ADAM7: variants seen among roughly 807,000 people sequenced by gnomAD.
ADAM7 encodes disintegrin and metalloproteinase domain-containing protein 7.
Under a neutral mutation model 102.9 loss-of-function variants are expected in ADAM7, and 97 were observed. The ratio of observed to expected loss-of-function variants is 0.94; its 90% confidence interval spans 0.80 to 1.12. The LOEUF (loss-of-function observed/expected upper bound fraction) is 1.12. ADAM7 is among the 50% of genes most tolerant of loss of function. ADAM7 has a pLI of 0.00. For missense variants in ADAM7, 991 were observed against 908.7 expected (o/e 1.09, Z -1.16); for synonymous variants, 334 against 304.4 (o/e 1.10, Z -1.01).
intron 6 of ADAM7, 114 bp downstream of exon 6, chr8:24,467,102 G>T (rs1174864977): frequency 2.9e-6 from 3 of 1,032,896 alleles, no homozygotes; most frequent in South Asian, 1.6e-5. Flanking sequence ...CTTTCAGTCT[G>T]GCACTTCATC....
intron 5 of ADAM7, among the ~76,000 whole-genome samples, chr8:24,466,245 G>C (rs746880263): frequency 6.6e-6 from 1 of 152,134 alleles, no homozygotes; most frequent in Non-Finnish European, 1.5e-5. Flanking sequence ...TAAAAATTCA[G>C]AAGTAAAGCC....
intron 2 of ADAM7, among the ~76,000 whole-genome samples, chr8:24,444,861 G>A (rs151157061): frequency 6.6e-6 from 1 of 151,988 alleles, no homozygotes; most frequent in Non-Finnish European, 1.5e-5. Flanking sequence ...TTATGAATCT[G>A]GGCTTATTCG....
At chr8:24,458,371 C>T (rs991578057) in intron 3 of ADAM7, among the ~76,000 whole-genome samples, 2 of 152,154 alleles carry the variant, frequency 1.3e-5, no homozygotes, top group Non-Finnish European at 2.9e-5. Flanking sequence ...GTGGAGCTCT[C>T]ACCTGTCTTG....
At position 24,508,601 on chromosome 8, in the gene ADAM7, T is replaced by A; in HGVS notation, c.*55T>A. On this transcript the variant is annotated 3_prime_UTR_variant, in exon 22 of 22. Transcript: ENST00000175238. ...GCAAGCTTAGGCTGGGGATTCTGGA[T>A]GCAACGTCTTTACAACCTTACCTAG... 1 of 1,613,144 alleles carries A rather than the reference T, an allele frequency of 6.2e-7. No individual in the cohort carries two copies. Among genetic ancestry groups the A allele is most frequent in the South Asian group, 1.1e-5 (1 of 90,964 alleles).
chr8:24,485,368 TGTG>T lies in ADAM7; in HGVS notation c.960+8_960+10del. On this transcript the variant is annotated splice_region_variant and intron_variant, in intron 10 of 21. Transcript: ENST00000175238. ...TTCCACCAGTATCATTAAGGTGGGC[TGTG>T]TTTTATTTATATTACTTAATAATGT... is the stretch of plus-strand genomic sequence containing the variant. 6.2e-7 allele frequency: 1 copy of T among 1,609,476 alleles called. No homozygotes were observed. Among genetic ancestry groups the T allele is most frequent in the Non-Finnish European group, 8.5e-7 (1 of 1,177,406 alleles).
intron 20 of ADAM7, among the ~76,000 whole-genome samples, chr8:24,506,956 T>G (rs1192134874): frequency 6.6e-6 from 1 of 152,154 alleles, no homozygotes; most frequent in African/African-American, 2.4e-5. Flanking sequence ...TCATTAAGCT[T>G]TCTTTATGGA....
chr8:24,457,863 A>AGTGG (rs1554538195), intron 3 of ADAM7, among the ~76,000 whole-genome samples: 4 of 147,874 alleles, frequency 2.7e-5, no homozygotes, highest in African/African-American at 1.0e-4. Flanking sequence ...TATGTGTGTG[A>AGTGG]GTGTGTGTGT....
chr8:24,483,923 T>C (rs1257927420), intron 9 of ADAM7, among the ~76,000 whole-genome samples: 1 of 152,130 alleles, frequency 6.6e-6, no homozygotes, highest in Non-Finnish European at 1.5e-5. Flanking sequence ...AGTGAGGAGA[T>C]GGGGTGAAAT....
At chr8:24,490,341 TG>T (rs1256031647) in intron 12 of ADAM7, 2 of 153,142 alleles carry the variant, frequency 1.3e-5, no homozygotes, top group Non-Finnish European at 2.9e-5. Context: ...GTTTTTATTT[TG>T]TTTGAGAAAA....
intron 20 of ADAM7, among the ~76,000 whole-genome samples, chr8:24,505,546 A>G (rs1820922627): frequency 6.6e-6 from 1 of 152,160 alleles, no homozygotes; most frequent in Non-Finnish European, 1.5e-5. Context: ...TTATCCATCA[A>G]AGACCAGTCC....
intron 9 of ADAM7, among the ~76,000 whole-genome samples, chr8:24,482,768 A>G (rs1820004647): frequency 6.6e-6 from 1 of 152,108 alleles, no homozygotes; most frequent in Non-Finnish European, 1.5e-5. Context: ...ATAAATAGAA[A>G]GTTTTCAAGT....
At chr8:24,464,016 A>G in intron 4 of ADAM7, 56 bp downstream of exon 4, 1 of 1,484,136 alleles carries the variant, frequency 6.7e-7, no homozygotes. Context: ...TCCTGATGTG[A>G]TTTTGAAACC....
chr8:24,483,434 G>A (rs549076433), intron 9 of ADAM7, among the ~76,000 whole-genome samples: 34 of 152,114 alleles, frequency 2.2e-4, no homozygotes, highest in African/African-American at 7.0e-4. Flanking sequence ...CCATAATATC[G>A]GTATTTCTCC....
At chr8:24,475,747 A>G (rs921027263) in intron 7 of ADAM7, among the ~76,000 whole-genome samples, 13 of 152,136 alleles carry the variant, frequency 8.5e-5, no homozygotes, top group Admixed American at 3.3e-4. Flanking sequence ...AAGAAGTTTG[A>G]CCATTTGCAT....
chr8:24,493,257 A>C, intron 16 of ADAM7, 28 bp downstream of exon 16: 1 of 1,550,488 alleles, frequency 6.4e-7, no homozygotes, highest in Admixed American at 2.0e-5. Context: ...TGTTTTATTA[A>C]AACTTCTTAG....
intron 20 of ADAM7, among the ~76,000 whole-genome samples, chr8:24,501,868 T>C (rs1820773269): frequency 6.6e-6 from 1 of 152,008 alleles, no homozygotes; most frequent in African/African-American, 2.4e-5. Context: ...ATAAACCACA[T>C]GATGGGCCAT....
chr8:24,447,344 G>A, intron 3 of ADAM7, 82 bp downstream of exon 3: 1 of 658,174 alleles, frequency 1.5e-6, no homozygotes, highest in Non-Finnish European at 2.4e-6. Context: ...CCAGTGAAGA[G>A]GATTCCTCAA....
intron 3 of ADAM7, among the ~76,000 whole-genome samples, chr8:24,449,115 T>G (rs573175870): frequency 2.2e-4 from 34 of 152,276 alleles, no homozygotes; most frequent in African/African-American, 7.2e-4. Flanking sequence ...ATAAACATAC[T>G]TGTGCCTGTG....
intron 8 of ADAM7, among the ~76,000 whole-genome samples, chr8:24,477,354 A>C (rs2129386528): frequency 6.6e-6 from 1 of 152,222 alleles, no homozygotes; most frequent in African/African-American, 2.4e-5. Context: ...CATCTACATA[A>C]ATTAGTTGAA....
Sources: allele counts gnomAD v4.1 joint callset (sites outside exome capture counted in the v4.1 genomes callset), GRCh38; gene constraint gnomAD v4.1.1; transcripts MANE v1.5; gene names NCBI Gene and HGNC (gene_info 2026-07-23, HGNC 2026-07-21).